ABL1: variants seen among roughly 807,000 people sequenced by gnomAD.
ABL1 encodes tyrosine-protein kinase ABL1.
In ABL1, 11 loss-of-function variants were observed where a neutral mutation model predicts 94.7. The observed-to-expected ratio is 0.12, with a 90% CI of 0.07 to 0.19. ABL1 has a LOEUF of 0.19. Ranked by LOEUF, ABL1 falls within the 10% of genes least tolerant of loss-of-function variation. ABL1 has a pLI of 1.00. For synonymous variants in ABL1, 656 were observed against 622.4 expected (o/e 1.05, Z -0.80); for missense variants, 1,082 against 1,489.4 (o/e 0.73, Z 4.50).
intron 1 of ABL1, among the ~76,000 whole-genome samples, chr9:130,842,999 C>T (rs1830699516): frequency 6.6e-6 from 1 of 152,198 alleles, no homozygotes; most frequent in South Asian, 2.1e-4. Context: ...CAAAACAAAT[C>T]ATTATGTTCC....
chr9:130,729,565 A>G (rs1359290538), intron 1 of ABL1, among the ~76,000 whole-genome samples: 2 of 152,048 alleles, frequency 1.3e-5, no homozygotes, highest in African/African-American at 4.8e-5. Flanking sequence ...AACTTACCTT[A>G]TGTTTTTCTC....
intron 1 of ABL1, among the ~76,000 whole-genome samples, chr9:130,788,267 C>G (rs1435944677): frequency 6.6e-6 from 1 of 152,150 alleles, no homozygotes; most frequent in Non-Finnish European, 1.5e-5. Context: ...CCTACATGTC[C>G]TTTACTTAGT....
At chr9:130,860,945 G>A (rs1046953844) in intron 3 of ABL1, among the ~76,000 whole-genome samples, 6 of 152,202 alleles carry the variant, frequency 3.9e-5, no homozygotes, top group Non-Finnish European at 7.3e-5. Context: ...GGACGTCACC[G>A]TGTGGTTATG....
intron 1 of ABL1, among the ~76,000 whole-genome samples, chr9:130,837,378 G>T (rs1386090674): frequency 6.6e-6 from 1 of 152,176 alleles, no homozygotes; most frequent in African/African-American, 2.4e-5. Flanking sequence ...TGTAAGTGCA[G>T]AGCTGGAGCA....
intron 1 of ABL1, among the ~76,000 whole-genome samples, chr9:130,746,958 G>T (rs558368187): frequency 1.2e-4 from 19 of 152,242 alleles, no homozygotes; most frequent in African/African-American, 4.6e-4. Flanking sequence ...CTCCAGGAGA[G>T]AAATACTTCC....
At chr9:130,726,017 T>TC (rs1831580684) in intron 1 of ABL1, among the ~76,000 whole-genome samples, 2 of 150,568 alleles carry the variant, frequency 1.3e-5, no homozygotes, top group African/African-American at 4.9e-5. Flanking sequence ...CCTGGCTAAT[T>TC]TAAAAAAAAA....
intron 1 of ABL1, among the ~76,000 whole-genome samples, chr9:130,788,246 T>C (rs1829857160): frequency 6.6e-6 from 1 of 152,238 alleles, no homozygotes; most frequent in Non-Finnish European, 1.5e-5. Context: ...ACAAGAATAG[T>C]ACAGAGAATT....
At chr9:130,751,700 C>T (rs1831969546) in intron 1 of ABL1, among the ~76,000 whole-genome samples, 1 of 152,168 alleles carries the variant, frequency 6.6e-6, no homozygotes, top group Non-Finnish European at 1.5e-5. Context: ...AAATTGATAT[C>T]CTGCACTCTG....
At chr9:130,782,020 CT>C (rs1281137645) in intron 1 of ABL1, among the ~76,000 whole-genome samples, 1 of 152,026 alleles carries the variant, frequency 6.6e-6, no homozygotes, top group Non-Finnish European at 1.5e-5. Flanking sequence ...TGGATTAGTA[CT>C]TTTCCTTATT....
intron 1 of ABL1, among the ~76,000 whole-genome samples, chr9:130,732,877 G>A (rs970823552): frequency 3.9e-5 from 6 of 152,016 alleles, no homozygotes; most frequent in Non-Finnish European, 5.9e-5. Flanking sequence ...TGCCAGGAGC[G>A]TGGCTTGTTC....
At chr9:130,749,305 G>A (rs545810184) in intron 1 of ABL1, among the ~76,000 whole-genome samples, 23 of 152,240 alleles carry the variant, frequency 1.5e-4, no homozygotes, top group Admixed American at 5.2e-4. Context: ...AATAATGAAC[G>A]GATACTATAA....
intron 1 of ABL1, among the ~76,000 whole-genome samples, chr9:130,759,825 C>T (rs1832087524): frequency 6.6e-6 from 1 of 152,088 alleles, no homozygotes; most frequent in Admixed American, 6.6e-5. Context: ...CAGGGTCTCA[C>T]TCTGTTGCTC....
At chr9:130,856,856 C>T (rs1352718658) in intron 3 of ABL1, among the ~76,000 whole-genome samples, 1 of 152,208 alleles carries the variant, frequency 6.6e-6, no homozygotes, top group East Asian at 1.9e-4. Context: ...TGGACTGTCA[C>T]TTATTTCAGT....
chr9:130,856,119 G>A lies in ABL1; in HGVS notation c.549+1023G>A, dbSNP rs185472884. Among the ~76,000 whole-genome samples the A allele has an allele frequency of 1.5e-4, 23 of 152,056 alleles. No individual in the cohort carries two copies. In the East Asian group the frequency reaches 2.7e-3, roughly 18 times the overall value. On this transcript the variant is annotated intron_variant, in intron 3 of 10. Coordinates refer to ENST00000318560, the MANE Select transcript of ABL1 (RefSeq NM_005157.6). ...TTATTTGTTTTGAGATGGCATTTTC[G>A]CTCTCATTGCCCAAGCTGGAGTGCA...
At chr9:130,808,083 C>CAAA (rs35930489) in intron 1 of ABL1, among the ~76,000 whole-genome samples, 49 of 123,436 alleles carry the variant, frequency 4.0e-4, no homozygotes, top group Admixed American at 1.1e-3. Context: ...ATTAACTGAT[C>CAAA]AAAAAAAAAA....
At chr9:130,754,787 CT>C (rs2132736277) in intron 1 of ABL1, among the ~76,000 whole-genome samples, 1 of 152,212 alleles carries the variant, frequency 6.6e-6, no homozygotes, top group African/African-American at 2.4e-5. Flanking sequence ...AGCACTCTTC[CT>C]TTTCTGAGTG....
intron 1 of ABL1, among the ~76,000 whole-genome samples, chr9:130,804,647 C>A (rs1164464767): frequency 1.3e-4 from 20 of 152,130 alleles, no homozygotes; most frequent in Non-Finnish European, 2.9e-5. Context: ...CAATTTCTTT[C>A]AATTAAACAG....
rs1830575921 is a variant in ABL1 at position 130,835,997 on chromosome 9, G to C, written c.79+472G>C. Among the ~76,000 whole-genome samples, 1 of 152,238 alleles carries C rather than the reference G, an allele frequency of 6.6e-6. No individual in the cohort carries two copies. The highest frequency in any genetic ancestry group is 6.5e-5 in the Admixed American group (1 of 15,292). Reference sequence around the variant, plus strand: ...ATTGGGACTGTGTGTTAAAAAGATCGACCCGTGTTTGTGAAAACATGCGAT... The same window carrying C: ...ATTGGGACTGTGTGTTAAAAAGATCCACCCGTGTTTGTGAAAACATGCGAT... On this transcript the variant is annotated intron_variant, in intron 1 of 10. Coordinates refer to ENST00000318560, the MANE Select transcript of ABL1 (RefSeq NM_005157.6). This position sits in a 1 kb window ranked among gnomAD's most constrained non-coding sequence, Gnocchi z 4.6.
intron 1 of ABL1, among the ~76,000 whole-genome samples, chr9:130,767,531 A>G (rs142893997): frequency 0.17 from 26,233 of 152,068 alleles, 3,182 homozygotes; most frequent in East Asian, 0.51. Flanking sequence ...TGGGGTTTCA[A>G]CATGTTAGCC....
Sources: allele counts gnomAD v4.1 joint callset (sites outside exome capture counted in the v4.1 genomes callset), GRCh38; gene constraint gnomAD v4.1.1; non-coding constraint Gnocchi (gnomAD v3.1); transcripts MANE v1.5; gene names NCBI Gene and HGNC (gene_info 2026-07-23, HGNC 2026-07-21).